PCDHGB2: variants seen among roughly 807,000 people sequenced by gnomAD.
PCDHGB2 encodes protocadherin gamma-B2.
Under a neutral mutation model 59.3 loss-of-function variants are expected in PCDHGB2, and 55 were observed. The ratio of observed to expected loss-of-function variants is 0.93; its 90% CI spans 0.75 to 1.16. The LOEUF (loss-of-function observed/expected upper bound fraction) is 1.16. PCDHGB2 is among the 50% of genes most tolerant of loss of function. The pLI, the probability that PCDHGB2 is intolerant of heterozygous loss-of-function variation, is 0.00. For missense variants in PCDHGB2, 1,228 were observed against 1,198.5 expected, an observed-to-expected ratio of 1.02 and a Z score of -0.36; for synonymous variants, 516 against 512.0, an observed-to-expected ratio of 1.01 and a Z score of -0.11.
At chr5:141,447,719 C>T (rs1333017511) in intron 1 of PCDHGB2, among the ~76,000 whole-genome samples, 2 of 152,226 alleles carry the variant, frequency 1.3e-5, no homozygotes, top group East Asian at 3.9e-4. Context: ...TACACATTTT[C>T]CAAAACTCAT....
Position 141,422,952 on chromosome 5 carries a change from C to T in PCDHGB2, c.2421+60396C>T, listed in dbSNP as rs759618535. 11 of 1,614,254 alleles carry T rather than the reference C, an allele frequency of 6.8e-6. No homozygotes were observed. The East Asian group carries it at 2.0e-4, about 29-fold the overall frequency. On this transcript the variant is annotated intron_variant, in intron 1 of 3. Coordinates refer to ENST00000522605, the MANE Select transcript of PCDHGB2 (RefSeq NM_018923.3). ...CCCTCCCCACAGACGGCTCCACTGG[C>T]GTGGAGCTGGCGCCCCGCTCTGCGG...
chr5:141,431,356 C>T lies in PCDHGB2; in HGVS notation c.2422-63451C>T. ...ACCCCGAATTGGTGCTGAAACGCGC[C>T]CTGGACCGCGAAGAAAAGGCTGCTC... On this transcript the variant is annotated intron_variant, in intron 1 of 3. Transcript: ENST00000522605. This position sits in a 1 kb window ranked among gnomAD's most constrained non-coding sequence, Gnocchi z 4.8. 6.2e-7 allele frequency: 1 copy of T among 1,614,004 alleles called. No individual in the cohort carries two copies. The highest frequency in any genetic ancestry group is 8.5e-7 in the Non-Finnish European group (1 of 1,180,026).
At chr5:141,410,849 CTTTTTTTTTTTT>C (rs759346998) in intron 1 of PCDHGB2, 1 of 129,786 alleles carries the variant, frequency 7.7e-6, no homozygotes, top group East Asian at 2.3e-4. Flanking sequence ...TTGTCTTTGT[CTTTTTTTTTTTT>C]TTTTTTTTTT....
Position 141,511,590 on chromosome 5 carries a change from A to C in PCDHGB2, c.*417A>C, listed in dbSNP as rs2099883868. On this transcript the variant is annotated 3_prime_UTR_variant, in exon 4 of 4. Transcript: ENST00000522605. ...AGTAAGGTGGTTGGGGTGTTGAAGT[A>C]CCAAGTAACCTACAAGCCTCCTAGT... The C allele has an allele frequency of 3.7e-6, 1 of 267,790 alleles. No homozygotes were observed. Among genetic ancestry groups the C allele is most frequent in the Admixed American group, 4.8e-5 (1 of 20,946 alleles). The allele number at this position is 267,790 out of a possible 1,614,324, so 16.6% of individuals were successfully genotyped here.
chr5:141,494,909 T>G (rs764123148), intron 2 of PCDHGB2, 44 bp downstream of exon 2: 1 of 1,614,042 alleles, frequency 6.2e-7, no homozygotes, highest in Admixed American at 1.7e-5. Flanking sequence ...CTGCGGCATT[T>G]TCTCAGGGAT....
intron 3 of PCDHGB2, 137 bp from the exon 4 acceptor site, chr5:141,510,810 A>T: frequency 6.6e-7 from 1 of 1,519,768 alleles, no homozygotes; most frequent in African/African-American, 1.4e-5. Context: ...TACCTTGGTG[A>T]CCCCTATATT....
intron 1 of PCDHGB2, among the ~76,000 whole-genome samples, chr5:141,469,304 C>T (rs890230691): frequency 2.0e-5 from 3 of 151,892 alleles, no homozygotes; most frequent in East Asian, 1.9e-4. Flanking sequence ...AGACTGGGCA[C>T]GATGGCTCAC....
chr5:141,395,589 T>C (rs1254958503), intron 1 of PCDHGB2: 2 of 194,644 alleles, frequency 1.0e-5, no homozygotes, highest in Admixed American at 1.2e-4. Context: ...TGTGTGTGTG[T>C]GTATCCCAAA....
Position 141,431,915 on chromosome 5 carries a change from A to G in PCDHGB2, c.2422-62892A>G. 1 of 1,614,040 alleles carries G rather than the reference A, an allele frequency of 6.2e-7. No homozygotes were observed. The highest frequency in any genetic ancestry group is 8.5e-7 in the Non-Finnish European group (1 of 1,179,854). On this transcript the variant is annotated intron_variant, in intron 1 of 3. Coordinates refer to ENST00000522605, the MANE Select transcript of PCDHGB2 (RefSeq NM_018923.3). The surrounding 1 kb of genome is among the most constrained non-coding windows in gnomAD (Gnocchi z 4.8). ...GGAAAACGGACAGGTGATCTGTTTC[A>G]TCCAAGGAAATCTGCCCTTTAAATT...
intron 1 of PCDHGB2, among the ~76,000 whole-genome samples, chr5:141,443,122 A>C (rs1239492679): frequency 6.6e-6 from 1 of 152,138 alleles, no homozygotes; most frequent in East Asian, 1.9e-4. Flanking sequence ...TTCAAACCAG[A>C]TTAAGAACAC....
At position 141,432,778 on chromosome 5, in the gene PCDHGB2, G is replaced by T; in HGVS notation, c.2422-62029G>T. The T allele has an allele frequency of 3.7e-6, 6 of 1,614,166 alleles. No individual in the cohort carries two copies. Among genetic ancestry groups the T allele is most frequent in the Non-Finnish European group, 5.1e-6 (6 of 1,180,002 alleles). ...CCGACAGCATCCCCCAAGTCCTGGCGGACCTCGGCAGCCTCGAGTCTCCAG... is the reference window on the plus strand; with the variant it reads ...CCGACAGCATCCCCCAAGTCCTGGCTGACCTCGGCAGCCTCGAGTCTCCAG... On this transcript the variant is annotated intron_variant, in intron 1 of 3. Transcript: ENST00000522605. The surrounding 1 kb of genome is among the most constrained non-coding windows in gnomAD (Gnocchi z 6.0).
intron 2 of PCDHGB2, among the ~76,000 whole-genome samples, chr5:141,498,872 G>T (rs912789877): frequency 1.4e-4 from 21 of 151,650 alleles, no homozygotes; most frequent in Non-Finnish European, 2.9e-4. Flanking sequence ...GGCGGAGGTT[G>T]CAGTGAGCTG....
At position 141,360,162 on chromosome 5, in the gene PCDHGB2, G is replaced by A; in HGVS notation, c.27G>A (p.Gly9=). 1.2e-6 allele frequency: 2 copies of A among 1,607,024 alleles called. No homozygotes were observed. Among genetic ancestry groups the A allele is most frequent in the Non-Finnish European group, 1.7e-6 (2 of 1,176,348 alleles). ...TGAAAGCGAGCTCAGGGAGGTGCGG[G>A]CTGGTGCGGTGGCTGCAGGTACTGT... The part of the protein sequence containing the change: MKASSGRC[G]LVRWLQVLLP... Residue 9 remains glycine, a synonymous_variant, in exon 1 of 4, where the codon GGG becomes GGA. Coordinates refer to ENST00000522605, the MANE Select transcript of PCDHGB2 (RefSeq NM_018923.3).
At chr5:141,384,960 T>C in intron 1 of PCDHGB2, 4 of 1,613,970 alleles carry the variant, frequency 2.5e-6, no homozygotes, top group Non-Finnish European at 3.4e-6. Flanking sequence ...CTTACAACTA[T>C]GACCTCACGT....
chr5:141,397,978 C>T (rs2093593315), intron 1 of PCDHGB2: 3 of 1,261,604 alleles, frequency 2.4e-6, no homozygotes, highest in Admixed American at 2.8e-5. Flanking sequence ...CAGCGCCGGC[C>T]TTTACACCGC....
At chr5:141,393,579 C>T (rs2092799952) in intron 1 of PCDHGB2, 2 of 1,613,888 alleles carry the variant, frequency 1.2e-6, no homozygotes, top group Non-Finnish European at 1.7e-6. Context: ...TGAGAACATG[C>T]CCCCAGGCAC....
intron 1 of PCDHGB2, chr5:141,388,424 GA>G: frequency 6.2e-7 from 1 of 1,613,812 alleles, no homozygotes; most frequent in African/African-American, 1.3e-5. Flanking sequence ...ATTTCTCACT[GA>G]TAAATAAAGA....
At position 141,486,028 on chromosome 5, in the gene PCDHGB2, C is replaced by T; in HGVS notation, c.2422-8779C>T. On this transcript the variant is annotated intron_variant, in intron 1 of 3. Transcript: ENST00000522605. This position sits in a 1 kb window ranked among gnomAD's most constrained non-coding sequence, Gnocchi z 5.0. ...TCACCTTTTATTTCAGTGGTCATAC[C>T]CCTGATCGTGTAAGAAACCTCTTTA... The T allele has an allele frequency of 6.2e-7, 1 of 1,614,134 alleles. No individual in the cohort carries two copies. Among genetic ancestry groups the T allele is most frequent in the Non-Finnish European group, 8.5e-7 (1 of 1,180,020 alleles).
intron 1 of PCDHGB2, among the ~76,000 whole-genome samples, chr5:141,484,023 G>A (rs67828357): frequency 0.059 from 8,857 of 150,044 alleles, 313 homozygotes; most frequent in South Asian, 0.11. Context: ...GGTGGGGTGA[G>A]ATCAAGTCTC....
Sources: allele counts gnomAD v4.1 joint callset (sites outside exome capture counted in the v4.1 genomes callset), GRCh38; gene constraint gnomAD v4.1.1; non-coding constraint Gnocchi (gnomAD v3.1); transcripts MANE v1.5; gene names NCBI Gene and HGNC (gene_info 2026-07-23, HGNC 2026-07-21).